SHISA9: variants seen among roughly 807,000 people sequenced by gnomAD.
The protein encoded by SHISA9 is shisa family member 9, also known as protein shisa-9.
SHISA9 carries 13 observed loss-of-function variants against 38.0 expected under a neutral mutation model. The observed-to-expected ratio is 0.34, with a 90% CI of 0.22 to 0.54. The LOEUF (loss-of-function observed/expected upper bound fraction) is 0.54, where lower values mean the gene tolerates loss of function less well. Among genes scored for constraint, SHISA9 ranks in the 20% least tolerant of loss-of-function variants. The pLI is 0.91. For missense variants in SHISA9, 538 were observed against 575.8 expected, an observed-to-expected ratio of 0.93 and a Z score of 0.67; for synonymous variants, 275 against 242.0, an observed-to-expected ratio of 1.14 and a Z score of -1.27.
chr16:13,129,469 C>G (rs1383130540), intron 2 of SHISA9, among the ~76,000 whole-genome samples: 1 of 152,186 alleles, frequency 6.6e-6, no homozygotes, highest in African/African-American at 2.4e-5. Context: ...GTAGACCAAG[C>G]TTCGTGTGGG....
chr16:13,369,935 A>T, the SHISA9 span, among the ~76,000 whole-genome samples: 1 of 152,238 alleles, frequency 6.6e-6, no homozygotes, highest in Admixed American at 6.5e-5. Context: ...TAGGCATCTA[A>T]TTTAAAGTTC....
chr16:13,388,613 G>A, the SHISA9 span, among the ~76,000 whole-genome samples: 2 of 152,050 alleles, frequency 1.3e-5, no homozygotes, highest in Non-Finnish European at 2.9e-5. Context: ...AGCAGAATTT[G>A]GACAGTCTTT....
rs868200226 is a variant in SHISA9 at position 13,037,123 on chromosome 16, C to G, written c.691+120308C>G. On this transcript the variant is annotated intron_variant, in intron 2 of 4. Transcript: ENST00000558583. The stretch of plus-strand genomic sequence containing the variant: ...ACACACACACAGACACACACACACA[C>G]ACACACACACACACACACACACACA... 3.6e-3 allele frequency among the ~76,000 whole-genome samples: 528 copies of G among 147,002 alleles called. 5 individuals are homozygous for G. The highest frequency in any genetic ancestry group is 0.012 in the African/African-American group (494 of 40,186).
chr16:12,919,126 A>C (rs966022504), intron 2 of SHISA9, among the ~76,000 whole-genome samples: 3 of 152,150 alleles, frequency 2.0e-5, no homozygotes, highest in African/African-American at 7.2e-5. Flanking sequence ...AACTGATATT[A>C]ATCAGTTAAG....
the SHISA9 span, among the ~76,000 whole-genome samples, chr16:13,461,700 G>A: frequency 7.6e-6 from 1 of 130,832 alleles, no homozygotes; most frequent in South Asian, 2.7e-4. Context: ...TGCAAGCTCC[G>A]CCTCCCAGGT....
At chr16:13,288,510 T>A in the SHISA9 span, among the ~76,000 whole-genome samples, 5 of 151,908 alleles carry the variant, frequency 3.3e-5, no homozygotes, top group Non-Finnish European at 7.4e-5. Flanking sequence ...CAAGATCTGT[T>A]TTCGGCCAGG....
chr16:13,205,102 C>T (rs2051051396), intron 3 of SHISA9, among the ~76,000 whole-genome samples: 1 of 152,158 alleles, frequency 6.6e-6, no homozygotes, highest in East Asian at 1.9e-4. Flanking sequence ...ACTAGAATCA[C>T]CTGGAGAGCA....
chr16:13,034,110 A>C (rs2073024545), intron 2 of SHISA9, among the ~76,000 whole-genome samples: 1 of 149,614 alleles, frequency 6.7e-6, no homozygotes, highest in Non-Finnish European at 1.5e-5. Context: ...GTGTCATTGC[A>C]CTCCAGCCTG....
At chr16:13,352,463 T>C in the SHISA9 span, among the ~76,000 whole-genome samples, 1 of 151,982 alleles carries the variant, frequency 6.6e-6, no homozygotes, top group Non-Finnish European at 1.5e-5. Context: ...GTGGTTGCCG[T>C]AGGGAGATGG....
At chr16:13,252,781 T>C in the SHISA9 span, among the ~76,000 whole-genome samples, 3 of 152,226 alleles carry the variant, frequency 2.0e-5, no homozygotes, top group Non-Finnish European at 4.4e-5. Flanking sequence ...AGTGCTCCCA[T>C]ATGCCCTCCA....
chr16:12,985,192 C>G (rs2072290968), intron 2 of SHISA9, among the ~76,000 whole-genome samples: 1 of 135,270 alleles, frequency 7.4e-6, no homozygotes, highest in South Asian at 2.2e-4. Flanking sequence ...TGTTGTACAC[C>G]ACAAATATCT....
At chr16:13,193,990 A>G (rs981785717) in intron 2 of SHISA9, among the ~76,000 whole-genome samples, 4 of 152,174 alleles carry the variant, frequency 2.6e-5, no homozygotes, top group Non-Finnish European at 5.9e-5. Context: ...AGCATTTCCC[A>G]CAACTCATCC....
chr16:13,285,188 CTCTT>C, the SHISA9 span, among the ~76,000 whole-genome samples: 1 of 152,108 alleles, frequency 6.6e-6, no homozygotes, highest in African/African-American at 2.4e-5. Context: ...TAGCAGCCTG[CTCTT>C]TCTTATTGAT....
the SHISA9 span, among the ~76,000 whole-genome samples, chr16:13,472,626 T>G: frequency 2.0e-5 from 3 of 152,044 alleles, no homozygotes; most frequent in Non-Finnish European, 2.9e-5. Context: ...TCTCCTGACC[T>G]CGTGATCCGC....
chr16:13,504,294 A>G, the SHISA9 span, among the ~76,000 whole-genome samples: 2 of 152,192 alleles, frequency 1.3e-5, no homozygotes, highest in African/African-American at 4.8e-5. Context: ...ATTTACAAGC[A>G]GAAAGTATAC....
intron 2 of SHISA9, among the ~76,000 whole-genome samples, chr16:13,079,201 G>A (rs972554063): frequency 6.6e-6 from 1 of 152,198 alleles, no homozygotes; most frequent in African/African-American, 2.4e-5. Flanking sequence ...TGTAGTTAGG[G>A]TTACAGGATC....
At chr16:13,424,927 G>C in the SHISA9 span, among the ~76,000 whole-genome samples, 5 of 152,010 alleles carry the variant, frequency 3.3e-5, no homozygotes, top group African/African-American at 1.2e-4. Flanking sequence ...CTTGTCCCAG[G>C]CCAGGAGAGG....
the SHISA9 span, among the ~76,000 whole-genome samples, chr16:13,276,955 T>A: frequency 1.1e-4 from 16 of 152,154 alleles, no homozygotes; most frequent in Non-Finnish European, 2.2e-4. Flanking sequence ...TTTATTGCAT[T>A]TGCTTTTGGG....
chr16:13,294,137 G>C, the SHISA9 span, among the ~76,000 whole-genome samples: 26 of 152,244 alleles, frequency 1.7e-4, no homozygotes, highest in African/African-American at 6.0e-4. Context: ...TATCCTGCTT[G>C]GTCATTGGAT....
Sources: allele counts gnomAD v4.1 joint callset (sites outside exome capture counted in the v4.1 genomes callset), GRCh38; gene constraint gnomAD v4.1.1; transcripts MANE v1.5; gene names NCBI Gene and HGNC (gene_info 2026-07-23, HGNC 2026-07-21).